The following MED13L variants were observed in gnomAD, a reference collection of about 807,000 sequenced individuals.
The protein encoded by MED13L is mediator complex subunit 13L.
In MED13L, 7 loss-of-function variants were observed where a neutral mutation model predicts 220.9. The observed-to-expected ratio is 0.03, with a 90% CI of 0.02 to 0.06. The LOEUF (loss-of-function observed/expected upper bound fraction) is 0.06. Among genes scored for constraint, MED13L ranks in the 10% least tolerant of loss-of-function variants. The pLI is 1.00. For missense variants in MED13L, 1,965 were observed against 2,760.5 expected (o/e 0.71, Z 6.46); for synonymous variants, 1,011 against 1,015.2 (o/e 1.00, Z 0.08).
chr12:116,120,822 T>G (rs917203244), intron 2 of MED13L, among the ~76,000 whole-genome samples: 5 of 152,148 alleles, frequency 3.3e-5, no homozygotes, highest in African/African-American at 1.2e-4. Context: ...AAAGACTATC[T>G]CTATAGACTA....
At chr12:116,250,414 C>G (rs879327765) in intron 1 of MED13L, among the ~76,000 whole-genome samples, 1 of 151,356 alleles carries the variant, frequency 6.6e-6, no homozygotes, top group Admixed American at 6.6e-5. Context: ...AAACCTGGAT[C>G]TACACAAAAG....
chr12:116,241,159 T>C (rs1870601595), intron 1 of MED13L, among the ~76,000 whole-genome samples: 1 of 151,358 alleles, frequency 6.6e-6, no homozygotes, highest in Admixed American at 6.6e-5. Context: ...ATACAAAAAT[T>C]AGCGGGGCGT....
intron 4 of MED13L, among the ~76,000 whole-genome samples, chr12:116,024,320 G>C (rs1880239884): frequency 6.6e-6 from 1 of 152,112 alleles, no homozygotes; most frequent in Non-Finnish European, 1.5e-5. Context: ...ATAAAATAAA[G>C]CCAGGCACAA....
chr12:116,095,531 A>C (rs1872573836), intron 4 of MED13L, among the ~76,000 whole-genome samples: 1 of 152,194 alleles, frequency 6.6e-6, no homozygotes, highest in Non-Finnish European at 1.5e-5. Context: ...CTCTGCTAGA[A>C]ACTAGGAAAG....
At chr12:116,071,821 T>G (rs189523806) in intron 4 of MED13L, among the ~76,000 whole-genome samples, 2,973 of 151,848 alleles carry the variant, frequency 0.02, 54 homozygotes, top group Middle Eastern at 0.055. Context: ...TATATGGGCA[T>G]GCTCTATCTC....
rs923166031 is a variant in MED13L at position 116,042,738 on chromosome 12, T to G, written c.480-20137A>C. ...TGAATAAACACACATTTCTTCTCCC[T>G]GGAAAGGACAGATGAGGCTGATAGC... On this transcript the variant is annotated intron_variant, in intron 4 of 30. Transcript: ENST00000281928. Among the ~76,000 whole-genome samples the G allele has an allele frequency of 2.6e-5, 4 of 152,212 alleles. No individual in the cohort carries two copies. In the East Asian group the frequency reaches 7.7e-4, roughly 29 times the overall value.
At chr12:116,034,573 A>G (rs1881057827) in intron 4 of MED13L, among the ~76,000 whole-genome samples, 2 of 152,192 alleles carry the variant, frequency 1.3e-5, no homozygotes. Context: ...AAGGTAGCCT[A>G]TATTCTCTGG....
chr12:116,014,950 T>C (rs1318948765), intron 8 of MED13L, among the ~76,000 whole-genome samples, 159 bp downstream of exon 8: 2 of 152,208 alleles, frequency 1.3e-5, no homozygotes, highest in African/African-American at 4.8e-5. Flanking sequence ...TTTAACATAT[T>C]TATTTCAAAT....
intron 26 of MED13L, 97 bp downstream of exon 26, chr12:115,971,981 A>G: frequency 1.5e-6 from 2 of 1,334,004 alleles, no homozygotes; most frequent in Non-Finnish European, 2.1e-6. Context: ...TTATAGAAAT[A>G]TAATGAAGAC....
intron 28 of MED13L, among the ~76,000 whole-genome samples, chr12:115,967,827 C>G (rs979400165): frequency 2.6e-5 from 4 of 152,164 alleles, no homozygotes; most frequent in Non-Finnish European, 4.4e-5. Flanking sequence ...GTTTTTCGTT[C>G]CTATCACAAC....
intron 14 of MED13L, among the ~76,000 whole-genome samples, chr12:116,002,243 A>C (rs1186093353): frequency 6.6e-6 from 1 of 152,224 alleles, no homozygotes; most frequent in Non-Finnish European, 1.5e-5. Context: ...CAATCTCTGT[A>C]TACTTCCCAA....
At chr12:116,224,635 TG>T (rs1427689514) in intron 2 of MED13L, among the ~76,000 whole-genome samples, 1 of 152,194 alleles carries the variant, frequency 6.6e-6, no homozygotes, top group African/African-American at 2.4e-5. Context: ...CATGTAACAA[TG>T]GTAACACCTT....
chr12:115,974,056 A>G (rs1876769891), intron 25 of MED13L, among the ~76,000 whole-genome samples: 1 of 152,012 alleles, frequency 6.6e-6, no homozygotes, highest in Non-Finnish European at 1.5e-5. Context: ...AAAAAAAAGT[A>G]CATGGTCTAA....
chr12:116,222,283 C>T (rs558595970), intron 2 of MED13L, among the ~76,000 whole-genome samples: 11 of 152,226 alleles, frequency 7.2e-5, no homozygotes, highest in African/African-American at 2.6e-4. Context: ...AATGTCTTGC[C>T]TGCAATGACA....
At chr12:116,029,398 G>A (rs994014624) in intron 4 of MED13L, among the ~76,000 whole-genome samples, 3 of 151,948 alleles carry the variant, frequency 2.0e-5, no homozygotes, top group Non-Finnish European at 2.9e-5. Context: ...AAAAGGCAAT[G>A]GTGGCTCTAT....
At chr12:116,182,349 T>G (rs1254665370) in intron 2 of MED13L, among the ~76,000 whole-genome samples, 1 of 152,214 alleles carries the variant, frequency 6.6e-6, no homozygotes, top group East Asian at 1.9e-4. Flanking sequence ...CTAACCATTT[T>G]CTTAGGCATT....
intron 4 of MED13L, among the ~76,000 whole-genome samples, chr12:116,034,133 C>T (rs1881027592): frequency 6.6e-6 from 1 of 152,072 alleles, no homozygotes; most frequent in Admixed American, 6.5e-5. Flanking sequence ...GACTAAAATG[C>T]TCCTACACAT....
chr12:116,051,297 T>C (rs1402495309), intron 4 of MED13L, among the ~76,000 whole-genome samples: 1 of 151,962 alleles, frequency 6.6e-6, no homozygotes, highest in Non-Finnish European at 1.5e-5. Context: ...AGCGAGACTC[T>C]GTCTCAAAAA....
chr12:116,014,130 CATCTTCAATGGACTATTCT>C (rs1440699473), intron 8 of MED13L, among the ~76,000 whole-genome samples: 3 of 152,218 alleles, frequency 2.0e-5, no homozygotes, highest in Non-Finnish European at 4.4e-5. Flanking sequence ...CTCTCTACTA[CATCTTCAATGGACTATTCT>C]AGAATCAATT....
Sources: allele counts gnomAD v4.1 joint callset (sites outside exome capture counted in the v4.1 genomes callset), GRCh38; gene constraint gnomAD v4.1.1; transcripts MANE v1.5; gene names NCBI Gene and HGNC (gene_info 2026-07-23, HGNC 2026-07-21).